The following KCNQ5 variants were observed in gnomAD, a reference collection of about 807,000 sequenced individuals.
KCNQ5 encodes potassium voltage-gated channel subfamily KQT member 5.
Under a neutral mutation model 98.2 loss-of-function variants are expected in KCNQ5, and 30 were observed. The observed-to-expected ratio is 0.31, with a 90% CI of 0.23 to 0.41. KCNQ5 has a LOEUF of 0.41. Ranked by LOEUF, KCNQ5 falls within the 10% of genes least tolerant of loss-of-function variation. The pLI is 1.00. For synonymous variants in KCNQ5, 458 were observed against 449.4 expected (o/e 1.02, Z -0.24); for missense variants, 835 against 1,182.5 (o/e 0.71, Z 4.31).
intron 1 of KCNQ5, among the ~76,000 whole-genome samples, chr6:72,779,848 T>C (rs1260184993): frequency 6.8e-6 from 1 of 147,924 alleles, no homozygotes; most frequent in East Asian, 2.0e-4. Context: ...TGTGTGTGTG[T>C]GTGTGTGTGT....
intron 1 of KCNQ5, among the ~76,000 whole-genome samples, chr6:72,641,691 T>G (rs922749064): frequency 6.6e-5 from 10 of 152,156 alleles, no homozygotes; most frequent in Non-Finnish European, 1.2e-4. Context: ...TTTTTAATTG[T>G]TAATATTATC....
At chr6:73,110,711 T>C (rs1775207429) in intron 6 of KCNQ5, among the ~76,000 whole-genome samples, 1 of 152,220 alleles carries the variant, frequency 6.6e-6, no homozygotes, top group Non-Finnish European at 1.5e-5. Context: ...TTTACTTTTC[T>C]TTTAGTAGGT....
At chr6:72,810,132 G>C (rs1488953228) in intron 1 of KCNQ5, among the ~76,000 whole-genome samples, 1 of 152,216 alleles carries the variant, frequency 6.6e-6, no homozygotes, top group Non-Finnish European at 1.5e-5. Context: ...TCAGCGCCCA[G>C]AGAATAGCTT....
intron 1 of KCNQ5, among the ~76,000 whole-genome samples, chr6:72,828,117 T>C (rs1427809675): frequency 6.6e-6 from 1 of 152,170 alleles, no homozygotes; most frequent in Non-Finnish European, 1.5e-5. Context: ...TACTATGCTG[T>C]TGTAGTTCCT....
intron 5 of KCNQ5, among the ~76,000 whole-genome samples, chr6:73,102,540 T>A (rs1233341190): frequency 6.6e-6 from 1 of 152,006 alleles, no homozygotes; most frequent in Non-Finnish European, 1.5e-5. Context: ...CATGACTGTA[T>A]AAGAAAAAAT....
chr6:73,001,908 C>T (rs1769586405), intron 1 of KCNQ5, among the ~76,000 whole-genome samples: 1 of 151,996 alleles, frequency 6.6e-6, no homozygotes, highest in Admixed American at 6.6e-5. Context: ...TCCCTTGAGG[C>T]CAGGAGTTCG....
intron 1 of KCNQ5, among the ~76,000 whole-genome samples, chr6:72,674,451 T>A (rs2154473497): frequency 6.6e-6 from 1 of 152,128 alleles, no homozygotes; most frequent in South Asian, 2.1e-4. Context: ...GAAATAAAAA[T>A]TTAAAATTAA....
intron 1 of KCNQ5, among the ~76,000 whole-genome samples, chr6:72,804,078 A>T (rs1244991433): frequency 6.6e-6 from 1 of 152,068 alleles, no homozygotes; most frequent in Non-Finnish European, 1.5e-5. Context: ...TTAATGTTAA[A>T]TTTTTGTGAG....
intron 1 of KCNQ5, among the ~76,000 whole-genome samples, chr6:72,954,928 C>A (rs1200511255): frequency 6.6e-6 from 1 of 152,210 alleles, no homozygotes; most frequent in Non-Finnish European, 1.5e-5. Flanking sequence ...GTTCACCAGT[C>A]TTGTCAGCTG....
intron 1 of KCNQ5, among the ~76,000 whole-genome samples, chr6:72,695,063 G>A (rs1345989442): frequency 6.6e-6 from 1 of 152,110 alleles, no homozygotes; most frequent in African/African-American, 2.4e-5. Context: ...TGGCTGTGTA[G>A]CATTCCATGA....
chr6:73,123,109 A>C (rs1582399129), intron 8 of KCNQ5, among the ~76,000 whole-genome samples: 1 of 152,040 alleles, frequency 6.6e-6, no homozygotes, highest in Admixed American at 6.6e-5. Context: ...GGCACTGAGA[A>C]TGAAGCAGTT....
intron 1 of KCNQ5, among the ~76,000 whole-genome samples, chr6:72,821,896 C>A (rs1775769837): frequency 6.6e-6 from 1 of 152,016 alleles, no homozygotes; most frequent in Non-Finnish European, 1.5e-5. Context: ...CCTGGCCATG[C>A]TTCTTATTGC....
intron 10 of KCNQ5, among the ~76,000 whole-genome samples, chr6:73,160,098 C>T (rs1443060758): frequency 6.6e-6 from 1 of 152,096 alleles, no homozygotes; most frequent in Non-Finnish European, 1.5e-5. Flanking sequence ...ACTGCAAGCT[C>T]CGCCTCCCGG....
chr6:72,961,004 G>T (rs1442683761), intron 1 of KCNQ5, among the ~76,000 whole-genome samples: 1 of 152,204 alleles, frequency 6.6e-6, no homozygotes, highest in Non-Finnish European at 1.5e-5. Context: ...AGGGATGGCG[G>T]GCTTGTGCCT....
At chr6:72,737,527 G>C (rs1211578156) in intron 1 of KCNQ5, among the ~76,000 whole-genome samples, 1 of 152,060 alleles carries the variant, frequency 6.6e-6, no homozygotes, top group Non-Finnish European at 1.5e-5. Flanking sequence ...TTTCCTGAGA[G>C]TGTCTGAGAG....
At chr6:72,744,205 G>A (rs1184090382) in intron 1 of KCNQ5, among the ~76,000 whole-genome samples, 1 of 152,200 alleles carries the variant, frequency 6.6e-6, no homozygotes, top group Non-Finnish European at 1.5e-5. Flanking sequence ...TGAGCCTAGA[G>A]GGAGAGGGGA....
chr6:73,088,227 G>A (rs536067585), intron 5 of KCNQ5, among the ~76,000 whole-genome samples: 1 of 151,784 alleles, frequency 6.6e-6, no homozygotes, highest in African/African-American at 2.4e-5. Context: ...CACCATGTTG[G>A]CCAGGCTGGT....
rs115240716 is a variant in KCNQ5 at position 72,806,327 on chromosome 6, A to G, written c.398+183740A>G. 4.2e-3 allele frequency among the ~76,000 whole-genome samples: 640 copies of G among 152,264 alleles called. 5 individuals are homozygous for G. The highest frequency in any genetic ancestry group is 0.02 in the Middle Eastern group (6 of 294). On this transcript the variant is annotated intron_variant, in intron 1 of 13. Coordinates refer to ENST00000370398, the MANE Select transcript of KCNQ5 (RefSeq NM_019842.4). Reference sequence around the variant, plus strand: ...AAGACAAGCAAAAATCCAAAAAGTGACAAAAGCTCTACCCAATGAGGGGGT... The same window carrying G: ...AAGACAAGCAAAAATCCAAAAAGTGGCAAAAGCTCTACCCAATGAGGGGGT...
intron 1 of KCNQ5, among the ~76,000 whole-genome samples, chr6:72,908,385 G>A (rs947005568): frequency 6.6e-6 from 1 of 151,996 alleles, no homozygotes; most frequent in African/African-American, 2.4e-5. Flanking sequence ...GTAATTATGC[G>A]AGATAATAGA....
Sources: allele counts gnomAD v4.1 joint callset (sites outside exome capture counted in the v4.1 genomes callset), GRCh38; gene constraint gnomAD v4.1.1; transcripts MANE v1.5; gene names NCBI Gene and HGNC (gene_info 2026-07-23, HGNC 2026-07-21).